Variants in NHSL1 observed in about 807,000 individuals in gnomAD.
NHSL1 encodes NHS-like protein 1.
Under a neutral mutation model 95.0 loss-of-function variants are expected in NHSL1, and 48 were observed. The ratio of observed to expected loss-of-function variants is 0.51; its 90% CI spans 0.40 to 0.64. NHSL1 has a LOEUF of 0.64. Among genes scored for constraint, NHSL1 ranks in the 30% least tolerant of loss-of-function variants. The pLI is 0.00. For synonymous variants in NHSL1, 783 were observed against 833.9 expected (o/e 0.94, Z 1.05); for missense variants, 1,971 against 2,077.7 (o/e 0.95, Z 1.00).
At chr6:138,608,459 A>G (rs1183231372) in intron 1 of NHSL1, among the ~76,000 whole-genome samples, 1 of 152,166 alleles carries the variant, frequency 6.6e-6, no homozygotes, top group African/African-American at 2.4e-5. Context: ...ATGGAGTTGA[A>G]AATTTTAAAA....
chr6:138,614,289 G>A (rs146528555), intron 1 of NHSL1, among the ~76,000 whole-genome samples: 2 of 152,294 alleles, frequency 1.3e-5, no homozygotes, highest in Admixed American at 6.5e-5. Context: ...TGCTGGAGAT[G>A]AGGCAGCCAC....
intron 1 of NHSL1, among the ~76,000 whole-genome samples, chr6:138,587,631 G>A (rs558022910): frequency 2.0e-5 from 3 of 152,042 alleles, no homozygotes; most frequent in Admixed American, 1.3e-4. Context: ...GTTAAAAGCT[G>A]ATTCTGTGTT....
chr6:138,567,816 C>G (rs577545702), intron 1 of NHSL1, among the ~76,000 whole-genome samples: 4 of 152,188 alleles, frequency 2.6e-5, no homozygotes, highest in East Asian at 1.9e-4. Context: ...CTAGTCTGTA[C>G]GATAAAGTCC....
At chr6:138,450,234 A>C (rs1777142012) in intron 3 of NHSL1, among the ~76,000 whole-genome samples, 1 of 152,186 alleles carries the variant, frequency 6.6e-6, no homozygotes, top group Non-Finnish European at 1.5e-5. Context: ...TCACTGAAGA[A>C]TTTCATGGCA....
At chr6:138,515,802 G>T (rs1781434938) in intron 1 of NHSL1, among the ~76,000 whole-genome samples, 1 of 152,212 alleles carries the variant, frequency 6.6e-6, no homozygotes. Flanking sequence ...AGCTAGGCCT[G>T]GATGGGTAGG....
intron 1 of NHSL1, among the ~76,000 whole-genome samples, chr6:138,577,593 C>T (rs1224545930): frequency 1.3e-5 from 2 of 152,134 alleles, no homozygotes; most frequent in Non-Finnish European, 2.9e-5. Context: ...AATGGTGTCA[C>T]GTTCTGAAGT....
At chr6:138,691,473 G>A (rs540135328) in intron 1 of NHSL1, among the ~76,000 whole-genome samples, 25 of 152,222 alleles carry the variant, frequency 1.6e-4, no homozygotes, top group African/African-American at 5.8e-4. Context: ...GCTGGAAAAC[G>A]AGCTATTCGA....
At chr6:138,559,887 A>G (rs1420295594) in intron 1 of NHSL1, among the ~76,000 whole-genome samples, 1 of 152,246 alleles carries the variant, frequency 6.6e-6, no homozygotes, top group African/African-American at 2.4e-5. Flanking sequence ...CATGCCATGC[A>G]TATATGCCAT....
intron 1 of NHSL1, among the ~76,000 whole-genome samples, chr6:138,586,934 G>C (rs1325649075): frequency 6.6e-6 from 1 of 151,718 alleles, no homozygotes; most frequent in Non-Finnish European, 1.5e-5. Context: ...TATTCAATAG[G>C]TTATGGGTAG....
intron 1 of NHSL1, among the ~76,000 whole-genome samples, chr6:138,527,085 C>T (rs1329451834): frequency 6.6e-6 from 1 of 152,188 alleles, no homozygotes; most frequent in African/African-American, 2.4e-5. Context: ...AGAAAGCAAA[C>T]TGAGCCAGCT....
intron 1 of NHSL1, among the ~76,000 whole-genome samples, chr6:138,591,000 G>A (rs1784215851): frequency 6.6e-6 from 1 of 152,186 alleles, no homozygotes; most frequent in Non-Finnish European, 1.5e-5. Flanking sequence ...CAGCAGGCCT[G>A]TGTATTGACC....
At chr6:138,494,363 C>T (rs1275051359) in intron 2 of NHSL1, among the ~76,000 whole-genome samples, 1 of 152,218 alleles carries the variant, frequency 6.6e-6, no homozygotes, top group African/African-American at 2.4e-5. Context: ...CAGCCTCAGA[C>T]TGTCCAAGTT....
intron 1 of NHSL1, among the ~76,000 whole-genome samples, chr6:138,516,547 C>T (rs2128305131): frequency 6.6e-6 from 1 of 152,190 alleles, no homozygotes; most frequent in South Asian, 2.1e-4. Flanking sequence ...AGCCAAAGAC[C>T]TTAGAACTCT....
chr6:138,659,921 G>A (rs1015839033), intron 1 of NHSL1, among the ~76,000 whole-genome samples: 1 of 152,034 alleles, frequency 6.6e-6, no homozygotes, highest in African/African-American at 2.4e-5. Context: ...TCACCCTGTT[G>A]GCCAGGCTGG....
rs1562287741 is a variant in NHSL1 at position 138,455,496 on chromosome 6, GC to G, written c.340-8304del. 1.0e-4 allele frequency among the ~76,000 whole-genome samples: 9 copies of G among 86,190 alleles called. No individual in the cohort carries two copies. The East Asian group carries it at 2.2e-3, about 21-fold the overall frequency. The allele number at this position is 86,190 out of a possible 152,430, so 56.5% of individuals were successfully genotyped here. On this transcript the variant is annotated intron_variant, in intron 3 of 7. Transcript: ENST00000343505. Reference sequence around the variant, plus strand: ...CGCCTTCACATGCTCCCTGCAAGGAGCCCCGCCTTCACATGCTCCCTGCAAG... The same window carrying G: ...CGCCTTCACATGCTCCCTGCAAGGAGCCCGCCTTCACATGCTCCCTGCAAG...
At position 138,686,431 on chromosome 6, in the gene NHSL1, G is replaced by A. The variant is rs555630874; in HGVS notation, c.96+6045C>T. 3.3e-5 allele frequency among the ~76,000 whole-genome samples: 5 copies of A among 152,264 alleles called. No individual in the cohort carries two copies. In the South Asian group the frequency reaches 1.0e-3, roughly 32 times the overall value. ...GGCTACTAGCGAGGCTGAGGTGGGAGGATCATTTGAGCCATTGAACTCCAG... is the reference window on the plus strand; with the variant it reads ...GGCTACTAGCGAGGCTGAGGTGGGAAGATCATTTGAGCCATTGAACTCCAG... On this transcript the variant is annotated intron_variant, in intron 1 of 3. Coordinates refer to the NHSL1 transcript ENST00000491526.
Position 138,449,690 on chromosome 6 carries a change from A to T in NHSL1, c.340-2497T>A, listed in dbSNP as rs570517513. The stretch of plus-strand genomic sequence containing the variant: ...GACTCTGTCTCAAAAAAAAAAAAAA[A>T]TTTGTGGATATGGAGGTGGTGCTGA... On this transcript the variant is annotated intron_variant, in intron 3 of 7. Coordinates refer to ENST00000343505, the MANE Select transcript of NHSL1 (RefSeq NM_001144060.2). Among the ~76,000 whole-genome samples the T allele has an allele frequency of 8.5e-3, 1,290 of 152,024 alleles. 15 individuals carry two copies. The highest frequency in any genetic ancestry group is 0.029 in the African/African-American group (1,190 of 41,466).
chr6:138,466,063 A>T (rs1418157790), intron 3 of NHSL1, among the ~76,000 whole-genome samples: 1 of 133,170 alleles, frequency 7.5e-6, no homozygotes, highest in Non-Finnish European at 1.6e-5. Flanking sequence ...AGGGGGGAAC[A>T]GAGTCTTGCT....
chr6:138,489,800 A>AG (rs1391245218), intron 2 of NHSL1, among the ~76,000 whole-genome samples: 151 of 128,404 alleles, frequency 1.2e-3, no homozygotes, highest in East Asian at 2.8e-3. Flanking sequence ...AGAAAGAAAG[A>AG]AGAGAGAGGG....
Sources: gnomAD v4.1 joint callset for allele counts (sites outside exome capture counted in the v4.1 genomes callset) on GRCh38, gnomAD v4.1.1 for gene constraint, MANE v1.5 for transcripts, NCBI Gene and HGNC (gene_info 2026-07-23, HGNC 2026-07-21) for gene names.